THSD4: variants seen among roughly 807,000 people sequenced by gnomAD.
The protein encoded by THSD4 is thrombospondin type 1 domain containing 4, also known as thrombospondin type-1 domain-containing protein 4.
A neutral mutation model predicts 119.0 loss-of-function variants in THSD4; 69 were observed. The observed-to-expected ratio is 0.58, with a 90% confidence interval of 0.48 to 0.71. THSD4 has a LOEUF of 0.71. Among genes scored for constraint, THSD4 ranks in the 30% least tolerant of loss-of-function variants. The pLI is 0.00. For missense variants in THSD4, 1,393 were observed against 1,391.1 expected, an observed-to-expected ratio of 1.00 and a Z score of -0.02; for synonymous variants, 524 against 540.4, an observed-to-expected ratio of 0.97 and a Z score of 0.42.
At chr15:71,343,913 C>T (rs1010122396) in intron 6 of THSD4, among the ~76,000 whole-genome samples, 5 of 151,680 alleles carry the variant, frequency 3.3e-5, no homozygotes, top group Non-Finnish European at 7.4e-5. Flanking sequence ...TGGGTCTCAC[C>T]GTGTCGCCTG....
chr15:71,617,011 T>A (rs2140920591), intron 7 of THSD4, among the ~76,000 whole-genome samples: 1 of 152,344 alleles, frequency 6.6e-6, no homozygotes, highest in East Asian at 1.9e-4. Flanking sequence ...TTCCAACCTG[T>A]TACCAGGGAG....
chr15:71,725,239 G>A (rs1355948657), intron 8 of THSD4, among the ~76,000 whole-genome samples: 131 of 128,274 alleles, frequency 1.0e-3, no homozygotes, highest in African/African-American at 4.0e-3. Flanking sequence ...ATGGATGGTG[G>A]TACCATTTAC....
chr15:71,590,758 C>T (rs1449306026), intron 7 of THSD4, among the ~76,000 whole-genome samples: 4 of 152,078 alleles, frequency 2.6e-5, no homozygotes, highest in Non-Finnish European at 5.9e-5. Context: ...AATCCCAGCA[C>T]TTTGGGAGGC....
upstream of THSD4, chr15:71,110,801 T>G (rs1215762193): frequency 7.1e-6 from 2 of 282,014 alleles, no homozygotes; most frequent in Non-Finnish European, 1.3e-5. Flanking sequence ...TGACTTTGGG[T>G]GACTTTTCTC....
At chr15:71,111,129 G>A, upstream of THSD4, 1 of 1,594,328 alleles carries the variant, frequency 6.3e-7, no homozygotes, top group Non-Finnish European at 8.6e-7. Context: ...AAGTTGTCTT[G>A]TACCAGGTAA....
intron 7 of THSD4, among the ~76,000 whole-genome samples, chr15:71,551,602 A>G (rs897850718): frequency 6.6e-6 from 1 of 152,156 alleles, no homozygotes; most frequent in Admixed American, 6.5e-5. Flanking sequence ...CAAAAGGAAA[A>G]GGTTCCTGGG....
intron 7 of THSD4, among the ~76,000 whole-genome samples, chr15:71,629,470 G>A (rs746905085): frequency 1.1e-4 from 16 of 152,126 alleles, no homozygotes; most frequent in Admixed American, 9.8e-4. Flanking sequence ...CTGGGCCTCC[G>A]TGTTCCCTGT....
intron 7 of THSD4, among the ~76,000 whole-genome samples, chr15:71,500,257 C>T (rs2048090060): frequency 6.6e-6 from 1 of 152,038 alleles, no homozygotes; most frequent in Non-Finnish European, 1.5e-5. Context: ...TTTCATGCAC[C>T]TATTGGCCAT....
chr15:71,634,118 A>G (rs571874033), intron 7 of THSD4, among the ~76,000 whole-genome samples: 105 of 151,260 alleles, frequency 6.9e-4, no homozygotes, highest in African/African-American at 2.2e-3. Context: ...ACCCAGGAGG[A>G]GGAGGTTTCA....
At chr15:71,148,112 T>C (rs1033533421) in intron 2 of THSD4, among the ~76,000 whole-genome samples, 1 of 152,010 alleles carries the variant, frequency 6.6e-6, no homozygotes, top group Non-Finnish European at 1.5e-5. Flanking sequence ...AGTTAAAATA[T>C]GTGTCCTTAA....
At chr15:71,329,633 C>G (rs2045396368) in intron 6 of THSD4, among the ~76,000 whole-genome samples, 1 of 152,156 alleles carries the variant, frequency 6.6e-6, no homozygotes, top group South Asian at 2.1e-4. Flanking sequence ...TCCCGAGACG[C>G]CAGCTCTGCT....
Position 71,666,539 on chromosome 15 carries a change from T to C in THSD4, c.1357+5805T>C, listed in dbSNP as rs112366503. Among the ~76,000 whole-genome samples the C allele has an allele frequency of 7.7e-3, 1,176 of 152,278 alleles. 13 individuals carry two copies. Among genetic ancestry groups the C allele is most frequent in the African/African-American group, 0.027 (1,121 of 41,552 alleles). Reference sequence around the variant, plus strand: ...ATATAATACTTCAGTCTCCAAAGCATTTTCACATACATGGCCTTCTGATCT... The same window carrying C: ...ATATAATACTTCAGTCTCCAAAGCACTTTCACATACATGGCCTTCTGATCT... On this transcript the variant is annotated intron_variant, in intron 8 of 17. Transcript: ENST00000261862.
At chr15:71,608,687 A>C (rs2050163741) in intron 7 of THSD4, among the ~76,000 whole-genome samples, 1 of 152,208 alleles carries the variant, frequency 6.6e-6, no homozygotes, top group Non-Finnish European at 1.5e-5. Context: ...ATCCCTATCA[A>C]AGGTAAATGG....
chr15:71,631,142 G>C (rs1020831340), intron 7 of THSD4, among the ~76,000 whole-genome samples: 1 of 152,194 alleles, frequency 6.6e-6, no homozygotes, highest in Non-Finnish European at 1.5e-5. Flanking sequence ...GGGTGCCCCA[G>C]AGTCATGGGC....
intron 7 of THSD4, among the ~76,000 whole-genome samples, chr15:71,618,492 AAAAGCAGGG>A (rs1256530301): frequency 6.6e-5 from 10 of 152,238 alleles, no homozygotes; most frequent in Non-Finnish European, 1.3e-4. Context: ...TATAAAATAT[AAAAGCAGGG>A]ATATACCCCG....
intron 7 of THSD4, among the ~76,000 whole-genome samples, chr15:71,568,572 TTTTTTTTTTG>T (rs949690493): frequency 2.1e-5 from 3 of 145,050 alleles, no homozygotes; most frequent in South Asian, 2.3e-4. Flanking sequence ...TTTTCTCTTT[TTTTTTTTTTG>T]TTTTTTGTTT....
intron 7 of THSD4, among the ~76,000 whole-genome samples, chr15:71,636,984 A>G (rs1432920456): frequency 6.6e-6 from 1 of 151,610 alleles, no homozygotes; most frequent in Admixed American, 6.6e-5. Flanking sequence ...TCCCGAGTTC[A>G]AGTGATTTCC....
chr15:71,374,772 G>A (rs970187306), intron 6 of THSD4, among the ~76,000 whole-genome samples: 97 of 152,170 alleles, frequency 6.4e-4, no homozygotes, highest in African/African-American at 2.3e-3. Context: ...GTTTATAAAT[G>A]TGCAAAACAA....
intron 4 of THSD4, among the ~76,000 whole-genome samples, chr15:71,236,180 A>G (rs966479029): frequency 6.6e-6 from 1 of 152,208 alleles, no homozygotes; most frequent in African/African-American, 2.4e-5. Flanking sequence ...CAAGATGGAA[A>G]TAAACACGGA....
Sources: allele counts gnomAD v4.1 joint callset (sites outside exome capture counted in the v4.1 genomes callset), GRCh38; gene constraint gnomAD v4.1.1; transcripts MANE v1.5; gene names NCBI Gene and HGNC (gene_info 2026-07-23, HGNC 2026-07-21).